The following SS18 variants were observed in gnomAD, a reference collection of about 807,000 sequenced individuals.
The protein encoded by SS18 is SS18 subunit of BAF chromatin remodeling complex.
SS18 carries 28 observed loss-of-function variants against 72.5 expected under a neutral mutation model. The observed-to-expected ratio is 0.39, with a 90% CI of 0.29 to 0.53. SS18 has a LOEUF of 0.53. Ranked by LOEUF, SS18 falls within the 20% of genes least tolerant of loss-of-function variation. The pLI is 0.76. For missense variants in SS18, 518 were observed against 535.3 expected (o/e 0.97, Z 0.32); for synonymous variants, 172 against 164.2 (o/e 1.05, Z -0.37).
At chr18:26,072,511 G>A (rs1377118916) in intron 3 of SS18, among the ~76,000 whole-genome samples, 1 of 152,038 alleles carries the variant, frequency 6.6e-6, no homozygotes, top group African/African-American at 2.4e-5. Flanking sequence ...CTAAAGATAA[G>A]AAGGGATAAT....
intron 5 of SS18, among the ~76,000 whole-genome samples, chr18:26,048,940 A>C (rs1568006253): frequency 6.6e-6 from 1 of 152,210 alleles, no homozygotes; most frequent in Non-Finnish European, 1.5e-5. Flanking sequence ...ATGATTACCA[A>C]GTCAGGATTT....
At position 26,090,571 on chromosome 18, in the gene SS18, T is replaced by C. The variant is rs1297170198; in HGVS notation, c.-2A>G. The C allele has an allele frequency of 2.5e-6, 4 of 1,581,150 alleles. No individual in the cohort carries two copies. Among genetic ancestry groups the C allele is most frequent in the East Asian group, 2.4e-5 (1 of 42,318 alleles). On this transcript the variant is annotated 5_prime_UTR_variant, in exon 1 of 11. Transcript: ENST00000415083. ...CGGGGCCGCGAAAGCCACAGACATG[T>C]TGCCGCCGTCACCACTATCGGCAAG...
chr18:26,058,334 T>C (rs1394776387), intron 3 of SS18, among the ~76,000 whole-genome samples: 2 of 152,204 alleles, frequency 1.3e-5, no homozygotes, highest in Non-Finnish European at 2.9e-5. Context: ...AATTTCCTAA[T>C]GCAATTTTGA....
At chr18:26,079,910 T>C (rs1258046743) in intron 2 of SS18, among the ~76,000 whole-genome samples, 3 of 152,034 alleles carry the variant, frequency 2.0e-5, no homozygotes, top group African/African-American at 7.2e-5. Context: ...GCTACTTATT[T>C]TTCTCCTGTT....
upstream of SS18, chr18:26,090,645 C>G: frequency 6.8e-7 from 1 of 1,462,278 alleles, no homozygotes. Context: ...ACGCCGGCCT[C>G]TCGGGCTGAA....
chr18:26,024,608 C>T (rs1206002905), intron 10 of SS18, among the ~76,000 whole-genome samples: 1 of 152,138 alleles, frequency 6.6e-6, no homozygotes, highest in Non-Finnish European at 1.5e-5. Context: ...TGAGCCACCA[C>T]CCCCAGTCTA....
Position 26,038,548 on chromosome 18 carries a change from A to G in SS18, c.880+7T>C. ...AAAATGGGAAAGTTAACATCAGGAG[A>G]GATTACCATCAGGGTAATATTGCTG... On this transcript the variant is annotated splice_region_variant and intron_variant, in intron 7 of 10. Transcript: ENST00000415083. The G allele has an allele frequency of 6.2e-7, 1 of 1,608,100 alleles. No homozygotes were observed. Among genetic ancestry groups the G allele is most frequent in the South Asian group, 1.1e-5 (1 of 90,914 alleles).
chr18:26,063,048 A>G (rs143802855), intron 3 of SS18, among the ~76,000 whole-genome samples: 25 of 152,370 alleles, frequency 1.6e-4, no homozygotes, highest in Non-Finnish European at 3.7e-4. Flanking sequence ...ACAGAATCCA[A>G]TAACTGTTCA....
At chr18:26,020,074 A>T (rs2053321469) in intron 10 of SS18, among the ~76,000 whole-genome samples, 1 of 152,184 alleles carries the variant, frequency 6.6e-6, no homozygotes, top group Non-Finnish European at 1.5e-5. Context: ...TAAACATAAT[A>T]AAAGGTTTAA....
intron 4 of SS18, among the ~76,000 whole-genome samples, chr18:26,053,609 G>A (rs2053961656): frequency 6.6e-6 from 1 of 150,430 alleles, no homozygotes; most frequent in Non-Finnish European, 1.5e-5. Flanking sequence ...AACATATGAA[G>A]TAAGTAAAAG....
chr18:26,065,404 C>T (rs536232229), intron 3 of SS18, among the ~76,000 whole-genome samples: 2 of 152,084 alleles, frequency 1.3e-5, no homozygotes, highest in Non-Finnish European at 2.9e-5. Flanking sequence ...TATACTGTCA[C>T]AACGAAACAA....
At chr18:26,072,028 GGTAA>G (rs1455836356) in intron 3 of SS18, among the ~76,000 whole-genome samples, 2 of 151,896 alleles carry the variant, frequency 1.3e-5, no homozygotes, top group Non-Finnish European at 2.9e-5. Flanking sequence ...CATCAGAAAT[GGTAA>G]GTAACTATGT....
At position 26,039,107 on chromosome 18, in the gene SS18, A is replaced by C. The variant is rs181284582; in HGVS notation, c.775+182T>G. 3.5e-3 allele frequency among the ~76,000 whole-genome samples: 526 copies of C among 151,116 alleles called. 4 individuals are homozygous for C. The highest frequency in any genetic ancestry group is 5.7e-3 in the Non-Finnish European group (383 of 67,780). On this transcript the variant is annotated intron_variant, in intron 6 of 10. Transcript: ENST00000415083. Reference sequence around the variant, plus strand: ...GGTATAACTTATTCCAGAAAATAACAGATAAGAAGTTCCTATCTTCTTCGT... The same window carrying C: ...GGTATAACTTATTCCAGAAAATAACCGATAAGAAGTTCCTATCTTCTTCGT...
intron 5 of SS18, among the ~76,000 whole-genome samples, chr18:26,040,150 C>A (rs1413518907): frequency 1.3e-5 from 2 of 152,170 alleles, no homozygotes; most frequent in African/African-American, 4.8e-5. Flanking sequence ...TAAAAACAGG[C>A]AGAGACATGC....
intron 5 of SS18, among the ~76,000 whole-genome samples, chr18:26,041,167 A>ATGT: frequency 6.6e-6 from 1 of 152,356 alleles, no homozygotes; most frequent in Non-Finnish European, 1.5e-5. Flanking sequence ...TCACACCTGT[A>ATGT]ATCCCAGCAC....
rs955136469 is a variant in SS18 at position 26,035,560 on chromosome 18, T to C, written c.973+271A>G. ...CACGAGAAAAAAAAGTTTGATGGAT[T>C]TATGTTCAAATAGAAAATTTCCACT... On this transcript the variant is annotated intron_variant, in intron 8 of 10. Transcript: ENST00000415083. The surrounding 1 kb of genome is among the most constrained non-coding windows in gnomAD (Gnocchi z 4.4). The C allele has an allele frequency of 6.0e-6, 2 of 330,856 alleles. No individual in the cohort carries two copies. The highest frequency in any genetic ancestry group is 5.5e-6 in the Non-Finnish European group (1 of 182,600). The allele number at this position is 330,856 out of a possible 1,614,324, so 20.5% of individuals were successfully genotyped here.
At chr18:26,023,929 G>A (rs2053399513) in intron 10 of SS18, among the ~76,000 whole-genome samples, 1 of 151,898 alleles carries the variant, frequency 6.6e-6, no homozygotes. Flanking sequence ...AACGTATACA[G>A]AAGTAAAATT....
rs1426925965 is a variant in SS18, at chr18:26,016,933, T to C, written c.*1421A>G. ...TCCAGTTAGACGTGGGAAAAACCAA[T>C]TCAATTATAAAGAATACATCTTATT... On this transcript the variant is annotated 3_prime_UTR_variant, in exon 11 of 11. Coordinates refer to ENST00000415083, the MANE Select transcript of SS18 (RefSeq NM_001007559.3). 4.4e-6 allele frequency: 1 copy of C among 224,764 alleles called. No individual in the cohort carries two copies. Among genetic ancestry groups the C allele is most frequent in the Non-Finnish European group, 8.9e-6 (1 of 112,552 alleles). The allele number at this position is 224,764 out of a possible 1,614,324, so 13.9% of individuals were successfully genotyped here. A position where few individuals can be genotyped will look rare whatever the true frequency, so the allele number is the denominator to read the frequency against.
Position 26,032,384 on chromosome 18 carries a change from G to A in SS18, c.1230+15C>T, listed in dbSNP as rs200720553. On this transcript the variant is annotated intron_variant, in intron 10 of 10. Coordinates refer to ENST00000415083, the MANE Select transcript of SS18 (RefSeq NM_001007559.3). ...GAAACAATGTGGCAATTCTGCAGCC[G>A]GTCAAACTACTTACCTGGTCATATC... 1.7e-4 allele frequency: 271 copies of A among 1,608,150 alleles called. 1 individual carries two copies. The Middle Eastern group carries it at 3.5e-3, about 21-fold the overall frequency.
Sources: gnomAD v4.1 joint callset for allele counts (sites outside exome capture counted in the v4.1 genomes callset) on GRCh38, gnomAD v4.1.1 for gene constraint, Gnocchi (gnomAD v3.1) non-coding constraint, MANE v1.5 for transcripts, NCBI Gene and HGNC (gene_info 2026-07-23, HGNC 2026-07-21) for gene names.